MYO3B: variants seen among roughly 807,000 people sequenced by gnomAD.
The protein encoded by MYO3B is myosin-IIIb.
In MYO3B, 156 loss-of-function variants were observed where a neutral mutation model predicts 174.6. The observed-to-expected ratio is 0.89, with a 90% CI of 0.78 to 1.02. MYO3B has a LOEUF of 1.02. Among genes scored for constraint, MYO3B ranks in the 50% least tolerant of loss-of-function variants. The pLI is 0.00. For missense variants in MYO3B, 1,632 were observed against 1,639.4 expected (o/e 1.00, Z 0.08); for synonymous variants, 563 against 569.1 (o/e 0.99, Z 0.15).
At chr2:170,614,217 A>AT (rs200634094) in intron 32 of MYO3B, among the ~76,000 whole-genome samples, 4 of 152,056 alleles carry the variant, frequency 2.6e-5, no homozygotes, top group South Asian at 2.1e-4. Flanking sequence ...TAAGTGATTT[A>AT]TTTTTTTCTG....
chr2:170,394,293 G>A (rs938590756), intron 16 of MYO3B, among the ~76,000 whole-genome samples: 11 of 152,090 alleles, frequency 7.2e-5, no homozygotes, highest in African/African-American at 2.7e-4. Context: ...AGGCTTAGGT[G>A]GGTTAAAAGA....
intron 25 of MYO3B, 33 bp downstream of exon 25, chr2:170,466,744 T>C (rs769558033): frequency 1.9e-6 from 3 of 1,603,832 alleles, no homozygotes; most frequent in Middle Eastern, 1.7e-4. Flanking sequence ...TGCATTCTTA[T>C]AAATGTAGCT....
chr2:170,604,979 T>C (rs1694725814), intron 32 of MYO3B, among the ~76,000 whole-genome samples: 1 of 152,130 alleles, frequency 6.6e-6, no homozygotes, highest in South Asian at 2.1e-4. Flanking sequence ...ACCCTTCTTC[T>C]CTTATCCCCT....
At chr2:170,562,953 C>G (rs1319297044) in intron 32 of MYO3B, among the ~76,000 whole-genome samples, 1 of 151,722 alleles carries the variant, frequency 6.6e-6, no homozygotes, top group African/African-American at 2.4e-5. Context: ...TCAAATCCTT[C>G]TTATAATTTT....
intron 6 of MYO3B, among the ~76,000 whole-genome samples, chr2:170,235,753 C>T (rs192118148): frequency 1.6e-3 from 239 of 152,266 alleles, no homozygotes; most frequent in Non-Finnish European, 1.8e-3. Flanking sequence ...GTTACTTAGA[C>T]GGTTCAATGC....
chr2:170,491,317 C>T (rs896801590), intron 25 of MYO3B, among the ~76,000 whole-genome samples: 12 of 152,114 alleles, frequency 7.9e-5, no homozygotes, highest in Non-Finnish European at 7.4e-5. Flanking sequence ...TTAGAAGTCT[C>T]TTCATAAATA....
At chr2:170,294,345 C>A (rs887385471) in intron 7 of MYO3B, among the ~76,000 whole-genome samples, 1 of 150,980 alleles carries the variant, frequency 6.6e-6, no homozygotes, top group South Asian at 2.1e-4. Context: ...AAAATTTATT[C>A]TAAAAACTAA....
intron 8 of MYO3B, chr2:170,343,800 T>G (rs931614980): frequency 3.3e-5 from 5 of 152,278 alleles, no homozygotes; most frequent in Non-Finnish European, 7.3e-5. Context: ...TTTTTGGCCT[T>G]GAACAAGTCA....
chr2:170,389,063 G>A (rs1232837441), intron 14 of MYO3B, among the ~76,000 whole-genome samples: 1 of 152,212 alleles, frequency 6.6e-6, no homozygotes, highest in Non-Finnish European at 1.5e-5. Context: ...CAAAGATAAT[G>A]TGAGGAGAGT....
intron 32 of MYO3B, among the ~76,000 whole-genome samples, chr2:170,583,768 T>A (rs1693314099): frequency 6.6e-6 from 1 of 152,140 alleles, no homozygotes; most frequent in Non-Finnish European, 1.5e-5. Flanking sequence ...GAGCAAACAG[T>A]TTGAGAGAAG....
chr2:170,651,140 A>C (rs1186848711), intron 32 of MYO3B, among the ~76,000 whole-genome samples: 1 of 152,146 alleles, frequency 6.6e-6, no homozygotes, highest in Non-Finnish European at 1.5e-5. Context: ...GCATTTCAGT[A>C]AATTTTAGCT....
chr2:170,234,705 T>TC (rs1307188976), intron 6 of MYO3B, among the ~76,000 whole-genome samples: 31 of 152,206 alleles, frequency 2.0e-4, no homozygotes, highest in African/African-American at 7.2e-4. Context: ...CCTCCTACTG[T>TC]CTTCCTCATC....
chr2:170,611,258 C>T (rs1459883082), intron 32 of MYO3B, among the ~76,000 whole-genome samples: 1 of 152,186 alleles, frequency 6.6e-6, no homozygotes, highest in East Asian at 1.9e-4. Context: ...ACTTACATAA[C>T]ATCCATCATG....
At chr2:170,606,430 A>T (rs866556747) in intron 32 of MYO3B, among the ~76,000 whole-genome samples, 3 of 151,696 alleles carry the variant, frequency 2.0e-5, no homozygotes, top group African/African-American at 7.3e-5. Context: ...TCAACCATCA[A>T]CTCTTCAGAG....
At chr2:170,278,723 T>G (rs2093481871) in intron 7 of MYO3B, among the ~76,000 whole-genome samples, 1 of 151,968 alleles carries the variant, frequency 6.6e-6, no homozygotes. Context: ...CCTAACTGTA[T>G]GTTTCTACCC....
intron 28 of MYO3B, among the ~76,000 whole-genome samples, chr2:170,506,342 A>C (rs1687621048): frequency 6.6e-6 from 1 of 152,230 alleles, no homozygotes; most frequent in Non-Finnish European, 1.5e-5. Context: ...GCCTTTTCAA[A>C]AGGCTGTTTA....
At chr2:170,271,909 TAGTGG>T (rs2093427544) in intron 7 of MYO3B, among the ~76,000 whole-genome samples, 1 of 152,148 alleles carries the variant, frequency 6.6e-6, no homozygotes, top group Non-Finnish European at 1.5e-5. Context: ...TAGTAGGTTT[TAGTGG>T]CCTATTTGTA....
rs779012864 is a variant in MYO3B at position 170,463,387 on chromosome 2, T to TA, written c.2751dup (p.Arg918ThrfsTer41). 1 of 1,613,952 alleles carries TA rather than the reference T, an allele frequency of 6.2e-7. No homozygotes were observed. On this transcript the variant is annotated frameshift_variant, in exon 24 of 35. Transcript: ENST00000408978. LOFTEE classifies it high-confidence loss of function. ...TTCCAGGTGGACACTCTGGAGGTGA[T>TA]ACGGCATCCGGAAGAAACCACCAAC...
At position 170,214,766 on chromosome 2, in the gene MYO3B, G is replaced by A. The variant is rs780343511; in HGVS notation, c.464G>A (p.Arg155His). The A allele has an allele frequency of 4.3e-6, 7 of 1,614,052 alleles. No individual in the cohort carries two copies. Among genetic ancestry groups the A allele is most frequent in the East Asian group, 2.2e-5 (1 of 44,904 alleles). ...QHLHNNRIIH[R>H]DVKGNNILLT... is the part of the protein sequence containing the mutation. The stretch of plus-strand genomic sequence containing the variant: ...TTGCACAACAACCGAATCATCCACC[G>A]TGATGTGAAGGGGAATAACATTCTT... Residue 155 changes from arginine to histidine, a missense_variant, in exon 5 of 35, where the codon CGT becomes CAT. Transcript: ENST00000408978.
Sources: allele counts gnomAD v4.1 joint callset (sites outside exome capture counted in the v4.1 genomes callset), GRCh38; gene constraint gnomAD v4.1.1; transcripts MANE v1.5; gene names NCBI Gene and HGNC (gene_info 2026-07-23, HGNC 2026-07-21).